The following SVOPL variants were observed in gnomAD, a reference collection of about 807,000 sequenced individuals.
The protein encoded by SVOPL is SVOP like, also known as putative transporter SVOPL.
A neutral mutation model predicts 61.0 loss-of-function variants in SVOPL; 60 were observed. The ratio of observed to expected loss-of-function variants is 0.98; its 90% confidence interval spans 0.80 to 1.22. The LOEUF is 1.22. Ranked by LOEUF, SVOPL falls within the 50% of genes most tolerant of loss-of-function variation. The pLI, the probability that SVOPL is intolerant of heterozygous loss-of-function variation, is 0.00. For synonymous variants in SVOPL, 279 were observed against 250.0 expected, an observed-to-expected ratio of 1.12 and a Z score of -1.09; for missense variants, 662 against 643.9, an observed-to-expected ratio of 1.03 and a Z score of -0.30.
rs534834881 is a variant in SVOPL at position 138,596,815 on chromosome 7, A to G, written c.1354-285T>C. ...CCAGAGCCAAGTTTTGATATATGGA[A>G]AAGATGGGGGATCTGCCCGTTTCCC... On this transcript the variant is annotated intron_variant, in intron 14 of 15. Coordinates refer to ENST00000674285, the MANE Select transcript of SVOPL (RefSeq NM_001139456.2). 1.3e-4 allele frequency: 150 copies of G among 1,124,568 alleles called. 1 individual carries two copies. In the African/African-American group the frequency reaches 2.1e-3, roughly 16 times the overall value. 69.7% of individuals were successfully genotyped at this position (1,124,568 alleles called of 1,614,324 possible).
At chr7:138,688,862 C>A in intron 1 of SVOPL, 1 of 377,584 alleles carries the variant, frequency 2.6e-6, no homozygotes, top group Non-Finnish European at 5.1e-6. Flanking sequence ...TATGGAAGAC[C>A]TAACCTCTAG....
Position 138,638,222 on chromosome 7 carries a change from G to A in SVOPL, c.789+6495C>T, listed in dbSNP as rs193131099. ...CAGGAAGGGGAGGTTTCAGTGTGCCGAGATGGCGCCACTGTACTCTAGCCT... is the reference window on the plus strand; with the variant it reads ...CAGGAAGGGGAGGTTTCAGTGTGCCAAGATGGCGCCACTGTACTCTAGCCT... On this transcript the variant is annotated intron_variant, in intron 9 of 15. Transcript: ENST00000674285. Among the ~76,000 whole-genome samples the A allele has an allele frequency of 2.9e-3, 415 of 145,256 alleles. 3 individuals carry two copies. The highest frequency in any genetic ancestry group is 0.011 in the African/African-American group (393 of 37,210).
intron 1 of SVOPL, among the ~76,000 whole-genome samples, chr7:138,698,172 G>A (rs1440628999): frequency 2.7e-5 from 4 of 149,590 alleles, no homozygotes; most frequent in Admixed American, 2.0e-4. Flanking sequence ...GAAAGAAGGA[G>A]GGGGAAGGAA....
intron 1 of SVOPL, among the ~76,000 whole-genome samples, chr7:138,680,669 C>T (rs1246862884): frequency 6.6e-6 from 1 of 152,044 alleles, no homozygotes; most frequent in Admixed American, 6.6e-5. Flanking sequence ...AGCTCTGCCT[C>T]CCGGGTTCAT....
rs1803158182 is a variant in SVOPL, at chr7:138,700,141, A to C, written c.-35+1037T>G. ...CTCAAACACAAACTCAAAGTTAGTT[A>C]GCATATATATGAAATGTATTTTCTT... On this transcript the variant is annotated intron_variant, in intron 1 of 15. Transcript: ENST00000674285. Among the ~76,000 whole-genome samples the C allele has an allele frequency of 2.6e-5, 4 of 152,134 alleles. No homozygotes were observed. The South Asian group carries it at 8.3e-4, about 32-fold the overall frequency.
At chr7:138,625,933 A>T in intron 13 of SVOPL, 36 bp downstream of exon 13, 1 of 1,610,778 alleles carries the variant, frequency 6.2e-7, no homozygotes, top group East Asian at 2.2e-5. Flanking sequence ...CTCACCTTAC[A>T]CACCCTTTGT....
At chr7:138,633,337 G>T (rs780691392) in intron 9 of SVOPL, among the ~76,000 whole-genome samples, 2 of 152,170 alleles carry the variant, frequency 1.3e-5, no homozygotes, top group Non-Finnish European at 2.9e-5. Context: ...TTTGGGTCGT[G>T]GGGGTGGATC....
In SVOPL at chr7:138,624,709, T is replaced by TTA. The variant is rs1554458260; in HGVS notation, c.1263+1259_1263+1260insTA. ...AGAACCAAACTTTTTTTTTTTTTTT[T>TTA]AATTTAGAGACATGGTCTTACTTTG... On this transcript the variant is annotated intron_variant, in intron 13 of 15. Coordinates refer to ENST00000674285, the MANE Select transcript of SVOPL (RefSeq NM_001139456.2). Among the ~76,000 whole-genome samples, 134 of 150,570 alleles carry TTA rather than the reference T, an allele frequency of 8.9e-4. 1 individual carries two copies. The highest frequency in any genetic ancestry group is 1.6e-3 in the Non-Finnish European group (109 of 67,562).
intron 10 of SVOPL, 60 bp downstream of exon 10, chr7:138,629,989 A>T: frequency 7.1e-7 from 1 of 1,409,108 alleles, no homozygotes; most frequent in Non-Finnish European, 1.0e-6. Context: ...AGATTTACTT[A>T]AATAGGCTTC....
At chr7:138,695,313 A>C (rs918508293) in intron 1 of SVOPL, among the ~76,000 whole-genome samples, 5 of 152,128 alleles carry the variant, frequency 3.3e-5, no homozygotes, top group Admixed American at 6.6e-5. Context: ...GGGGTTCAAG[A>C]CTAGCCTGGG....
chr7:138,665,585 T>C (rs1802230719), intron 4 of SVOPL, among the ~76,000 whole-genome samples: 1 of 152,124 alleles, frequency 6.6e-6, no homozygotes, highest in Non-Finnish European at 1.5e-5. Context: ...GCCAATGAAA[T>C]ATGAGCTGTA....
chr7:138,634,661 T>C (rs1294216172), intron 9 of SVOPL, among the ~76,000 whole-genome samples: 1 of 147,948 alleles, frequency 6.8e-6, no homozygotes, highest in Admixed American at 6.8e-5. Flanking sequence ...AAAAATCAAG[T>C]AAATAAAAAC....
chr7:138,694,736 T>G (rs1803030234), intron 1 of SVOPL, among the ~76,000 whole-genome samples: 1 of 152,134 alleles, frequency 6.6e-6, no homozygotes, highest in Non-Finnish European at 1.5e-5. Context: ...TTTATAAAAT[T>G]ATTATTATTT....
chr7:138,603,978 T>TTTC (rs1340177322), intron 14 of SVOPL, among the ~76,000 whole-genome samples: 3 of 143,882 alleles, frequency 2.1e-5, no homozygotes, highest in Non-Finnish European at 3.1e-5. Flanking sequence ...TTTTTTTTTT[T>TTTC]CATTGAGACA....
At chr7:138,642,831 C>CAAA (rs749603417) in intron 9 of SVOPL, among the ~76,000 whole-genome samples, 7 of 26,886 alleles carry the variant, frequency 2.6e-4, no homozygotes, top group South Asian at 2.0e-3. Flanking sequence ...CTCCTACCTC[C>CAAA]AAAAAAAAAA....
intron 7 of SVOPL, among the ~76,000 whole-genome samples, chr7:138,650,768 A>T (rs1467672559): frequency 3.8e-5 from 5 of 130,926 alleles, no homozygotes; most frequent in Non-Finnish European, 8.0e-5. Context: ...AGCTGTGATC[A>T]CACCAATGTA....
At chr7:138,597,152 C>G (rs1798313603) in intron 14 of SVOPL, 1 of 1,287,622 alleles carries the variant, frequency 7.8e-7, no homozygotes. Context: ...GATACTCCAT[C>G]TCATACTTTA....
intron 4 of SVOPL, 137 bp from the exon 5 acceptor site, chr7:138,663,282 G>C: frequency 6.7e-7 from 1 of 1,486,194 alleles, no homozygotes; most frequent in South Asian, 1.4e-5. Flanking sequence ...GTTTCACGTT[G>C]GTCTTGCTTG....
At chr7:138,682,848 A>G (rs1192785009) in intron 1 of SVOPL, among the ~76,000 whole-genome samples, 2 of 151,720 alleles carry the variant, frequency 1.3e-5, no homozygotes, top group African/African-American at 4.8e-5. Context: ...CATGTCTGTA[A>G]TCTCAGCTAC....
Sources: gnomAD v4.1 joint callset for allele counts (sites outside exome capture counted in the v4.1 genomes callset) on GRCh38, gnomAD v4.1.1 for gene constraint, MANE v1.5 for transcripts, NCBI Gene and HGNC (gene_info 2026-07-23, HGNC 2026-07-21) for gene names.